The following SCAMP1 variants were observed in gnomAD, a reference collection of about 807,000 sequenced individuals.
The protein encoded by SCAMP1 is secretory carrier-associated membrane protein 1.
A neutral mutation model predicts 41.8 loss-of-function variants in SCAMP1; 15 were observed. The observed-to-expected ratio is 0.36, with a 90% CI of 0.24 to 0.55. SCAMP1 has a LOEUF of 0.55. SCAMP1 is among the 20% of genes least tolerant of loss of function. SCAMP1 has a pLI of 0.86. For synonymous variants in SCAMP1, 135 were observed against 136.8 expected (o/e 0.99, Z 0.09); for missense variants, 341 against 412.6 (o/e 0.83, Z 1.50).
chr5:78,367,199 GA>G (rs1470038165), intron 1 of SCAMP1, among the ~76,000 whole-genome samples: 1 of 152,158 alleles, frequency 6.6e-6, no homozygotes, highest in Admixed American at 6.5e-5. Flanking sequence ...ATCAACTTAA[GA>G]TGCCATCCTT....
chr5:78,438,913 A>G (rs1457504489), intron 6 of SCAMP1, among the ~76,000 whole-genome samples: 2 of 152,164 alleles, frequency 1.3e-5, no homozygotes, highest in Non-Finnish European at 2.9e-5. Context: ...TTGAGTGCAT[A>G]TATATTTAGG....
At chr5:78,388,165 T>A (rs1469066694) in intron 1 of SCAMP1, among the ~76,000 whole-genome samples, 1 of 152,216 alleles carries the variant, frequency 6.6e-6, no homozygotes, top group African/African-American at 2.4e-5. Flanking sequence ...TGCTGCTCTG[T>A]CCATTAAGTG....
chr5:78,397,645 G>C (rs923618879), intron 2 of SCAMP1, among the ~76,000 whole-genome samples: 4 of 152,098 alleles, frequency 2.6e-5, no homozygotes, highest in African/African-American at 9.7e-5. Flanking sequence ...ACCAGGCTGG[G>C]TGTGGTGGCT....
intron 2 of SCAMP1, among the ~76,000 whole-genome samples, chr5:78,398,084 AAT>A (rs1751698683): frequency 6.6e-6 from 1 of 152,246 alleles, no homozygotes. Flanking sequence ...ATGACCCTGT[AAT>A]TCCACTCTTG....
At chr5:78,430,123 GTATT>G (rs1241728270) in intron 6 of SCAMP1, among the ~76,000 whole-genome samples, 5 of 40,150 alleles carry the variant, frequency 1.2e-4, no homozygotes, top group Admixed American at 2.5e-4. Flanking sequence ...TATAAATACA[GTATT>G]TATTTATAAA....
chr5:78,462,461 T>C (rs542323985), intron 8 of SCAMP1, among the ~76,000 whole-genome samples: 52 of 152,222 alleles, frequency 3.4e-4, no homozygotes, highest in African/African-American at 1.2e-3. Context: ...TCCTGAGTAG[T>C]CGGGATTACA....
At chr5:78,432,844 G>A (rs909570502) in intron 6 of SCAMP1, among the ~76,000 whole-genome samples, 1 of 151,758 alleles carries the variant, frequency 6.6e-6, no homozygotes, top group African/African-American at 2.4e-5. Flanking sequence ...CTTTATCGTC[G>A]CTTTCTGTAA....
At chr5:78,443,539 G>C (rs747209327) in intron 6 of SCAMP1, among the ~76,000 whole-genome samples, 1 of 151,920 alleles carries the variant, frequency 6.6e-6, no homozygotes, top group Non-Finnish European at 1.5e-5. Flanking sequence ...CATGTAATGT[G>C]AGCTTTTTCA....
At chr5:78,443,766 C>A (rs1049585793) in intron 6 of SCAMP1, among the ~76,000 whole-genome samples, 1 of 145,990 alleles carries the variant, frequency 6.8e-6, no homozygotes, top group African/African-American at 2.5e-5. Flanking sequence ...TCAAATGATC[C>A]TCCTGCCTCA....
At chr5:78,449,295 A>C (rs1239955656) in intron 6 of SCAMP1, among the ~76,000 whole-genome samples, 1 of 152,198 alleles carries the variant, frequency 6.6e-6, no homozygotes, top group Non-Finnish European at 1.5e-5. Context: ...ACACAGTGGA[A>C]TACTACTCAG....
intron 2 of SCAMP1, among the ~76,000 whole-genome samples, chr5:78,413,068 G>C (rs6453388): frequency 0.035 from 5,388 of 152,198 alleles, 343 homozygotes; most frequent in African/African-American, 0.12. Flanking sequence ...CCCTGAAAGT[G>C]TTTAAGTTTT....
At chr5:78,422,306 T>G (rs1752356899) in intron 6 of SCAMP1, among the ~76,000 whole-genome samples, 1 of 119,634 alleles carries the variant, frequency 8.4e-6, no homozygotes, top group South Asian at 2.9e-4. Context: ...AAAATCCCAA[T>G]TGGTGCTTAT....
At chr5:78,466,752 T>C (rs1753759979) in intron 8 of SCAMP1, among the ~76,000 whole-genome samples, 1 of 152,188 alleles carries the variant, frequency 6.6e-6, no homozygotes, top group African/African-American at 2.4e-5. Context: ...TGATTAGATT[T>C]GAATTTTAGA....
At chr5:78,402,942 G>A (rs967254181) in intron 2 of SCAMP1, among the ~76,000 whole-genome samples, 11 of 152,008 alleles carry the variant, frequency 7.2e-5, no homozygotes, top group African/African-American at 1.9e-4. Flanking sequence ...CTCAATCCCC[G>A]ATCTCAGCTC....
chr5:78,437,142 A>G (rs1243597017), intron 6 of SCAMP1, among the ~76,000 whole-genome samples: 1 of 152,150 alleles, frequency 6.6e-6, no homozygotes, highest in African/African-American at 2.4e-5. Context: ...GGGTTTTCTA[A>G]ATATACAATC....
chr5:78,411,825 G>A (rs1339793324), intron 2 of SCAMP1, among the ~76,000 whole-genome samples: 1 of 151,992 alleles, frequency 6.6e-6, no homozygotes, highest in East Asian at 1.9e-4. Context: ...TACTTCTATG[G>A]CTCTTGAAAC....
Position 78,465,045 on chromosome 5 carries a change from A to G in SCAMP1, c.852+5683A>G, listed in dbSNP as rs191198233. 7.9e-5 allele frequency among the ~76,000 whole-genome samples: 12 copies of G among 152,234 alleles called. 2 individuals are homozygous for G. In the East Asian group the frequency reaches 2.3e-3, roughly 29 times the overall value. The stretch of plus-strand genomic sequence containing the variant: ...CTTCTCTGCTATTTGAAGACCTACT[A>G]GTATTCTTTCAAGACCCAGCTCCGA... On this transcript the variant is annotated intron_variant, in intron 8 of 8. Coordinates refer to ENST00000621999, the MANE Select transcript of SCAMP1 (RefSeq NM_004866.6).
rs191397748 is a variant in SCAMP1 at position 78,434,739 on chromosome 5, A to C, written c.632+12779A>C. Among the ~76,000 whole-genome samples, 317 of 152,314 alleles carry C rather than the reference A, an allele frequency of 2.1e-3. 9 individuals carry two copies. The highest frequency in any genetic ancestry group is 4.0e-4 in the Non-Finnish European group (27 of 68,030). On this transcript the variant is annotated intron_variant, in intron 6 of 8. Coordinates refer to ENST00000621999, the MANE Select transcript of SCAMP1 (RefSeq NM_004866.6). ...TGGCATCATTTGCACTTCAGAGTAA[A>C]TCACTACTGTCAGATATCTCCTTCT...
Position 78,480,142 on chromosome 5 carries a change from T to A in SCAMP1, c.*4474T>A, listed in dbSNP as rs767244613. ...TGTGGCAATGTAGTGAGTGTTAAAC[T>A]TTGTGTTTGTCCAAATCCTGATTTA... On this transcript the variant is annotated 3_prime_UTR_variant, in exon 9 of 9. Coordinates refer to ENST00000621999, the MANE Select transcript of SCAMP1 (RefSeq NM_004866.6). Among the ~76,000 whole-genome samples the A allele has an allele frequency of 6.6e-6, 1 of 152,166 alleles. No homozygotes were observed. The highest frequency in any genetic ancestry group is 1.5e-5 in the Non-Finnish European group (1 of 68,018).
Sources: allele counts gnomAD v4.1 joint callset (sites outside exome capture counted in the v4.1 genomes callset), GRCh38; gene constraint gnomAD v4.1.1; transcripts MANE v1.5; gene names NCBI Gene and HGNC (gene_info 2026-07-23, HGNC 2026-07-21).